Variants in RPH3A observed in about 807,000 individuals in gnomAD.
The protein encoded by RPH3A is rabphilin 3A.
A neutral mutation model predicts 102.2 loss-of-function variants in RPH3A; 48 were observed. The observed-to-expected ratio is 0.47, with a 90% CI of 0.37 to 0.60. The LOEUF is 0.60. Ranked by LOEUF, RPH3A falls within the 20% of genes least tolerant of loss-of-function variation. The pLI is 0.00. For missense variants in RPH3A, 781 were observed against 910.1 expected (o/e 0.86, Z 1.83); for synonymous variants, 310 against 324.3 (o/e 0.96, Z 0.47).
At chr12:112,774,438 G>A (rs2040950257) in intron 1 of RPH3A, among the ~76,000 whole-genome samples, 1 of 152,208 alleles carries the variant, frequency 6.6e-6, no homozygotes, top group Non-Finnish European at 1.5e-5. Context: ...GCACTAGATT[G>A]AGAGTCTGGA....
Position 112,866,759 on chromosome 12 carries a change from C to A in RPH3A, c.363C>A (p.Asn121Lys), listed in dbSNP as rs538011020. The change falls in exon 7 of 22, where the codon AAC becomes AAA. Residue 121 changes from asparagine (N) to lysine (K), a missense_variant and splice_region_variant. By Grantham distance (94) the Asn-to-Lys change is moderately conservative. Around this residue, in one of 2 missense-constraint regions of RPH3A, gnomAD observed 730 missense variants for 810.0 expected, o/e 0.90. Coordinates refer to ENST00000389385, the MANE Select transcript of RPH3A (RefSeq NM_001143854.2). The part of the protein sequence containing the change: ...ACVVCEDCKK[N>K]VCTKCGVETN... Reference sequence around the variant, plus strand: ...TGTTGGCTGTGTTTCATCCACAGAACGTCTGCACCAAGTGCGGAGTGGAGA... The same window carrying A: ...TGTTGGCTGTGTTTCATCCACAGAAAGTCTGCACCAAGTGCGGAGTGGAGA... 6.2e-6 allele frequency: 10 copies of A among 1,608,582 alleles called. No homozygotes were observed. In the East Asian group the frequency reaches 2.0e-4, roughly 32 times the overall value.
At position 112,896,743 on chromosome 12, in the gene RPH3A, A is replaced by G; in HGVS notation, c.2048A>G (p.His683Arg). The G allele has an allele frequency of 6.2e-7, 1 of 1,614,156 alleles. No homozygotes were observed. The highest frequency in any genetic ancestry group is 1.7e-5 in the Admixed American group (1 of 60,032). ...KNKDKKIERW[H>R]QLQNENHVSS... ...AAAGACAAGAAGATAGAGCGCTGGC[A>G]CCAGCTACAGAATGAGAACCACGTG... Residue 683 changes from histidine to arginine, a missense_variant, in exon 22 of 22, where the codon CAC becomes CGC. By Grantham distance (29) the His-to-Arg change is conservative. Transcript: ENST00000389385.
intron 1 of RPH3A, among the ~76,000 whole-genome samples, chr12:112,671,488 G>A (rs768787396): frequency 2.0e-5 from 3 of 152,160 alleles, no homozygotes; most frequent in Non-Finnish European, 4.4e-5. Flanking sequence ...CCCAGAAATT[G>A]CACACATTAC....
Position 112,755,442 on chromosome 12 carries a change from C to G in RPH3A, c.-139-36701C>G, listed in dbSNP as rs545929442. On this transcript the variant is annotated intron_variant, in intron 1 of 21. Coordinates refer to the RPH3A transcript ENST00000543106. ...TCTCTGATGGTGTTATACAGGCACACCCTTAACAGAGCTCATGCTAGGTAG... is the reference window on the plus strand; with the variant it reads ...TCTCTGATGGTGTTATACAGGCACAGCCTTAACAGAGCTCATGCTAGGTAG... Among the ~76,000 whole-genome samples, 3 of 152,266 alleles carry G rather than the reference C, an allele frequency of 2.0e-5. No individual in the cohort carries two copies. In the South Asian group the frequency reaches 6.2e-4, roughly 32 times the overall value.
chr12:112,576,960 C>T (rs2039364826), intron 1 of RPH3A, among the ~76,000 whole-genome samples: 1 of 126,086 alleles, frequency 7.9e-6, no homozygotes, highest in Non-Finnish European at 1.5e-5. Context: ...GGCTGGAGTG[C>T]AGTGGCATGA....
intron 1 of RPH3A, among the ~76,000 whole-genome samples, chr12:112,755,655 G>GA (rs2136063583): frequency 6.6e-6 from 1 of 152,204 alleles, no homozygotes; most frequent in South Asian, 2.1e-4. Context: ...GCCCTTGAAT[G>GA]AAAAGGGAGG....
intron 1 of RPH3A, among the ~76,000 whole-genome samples, chr12:112,599,953 A>C (rs1709683836): frequency 1.3e-5 from 2 of 152,220 alleles, no homozygotes; most frequent in African/African-American, 4.8e-5. Flanking sequence ...TCTGGAGTGC[A>C]TCACGGGATG....
intron 5 of RPH3A, among the ~76,000 whole-genome samples, chr12:112,848,465 CA>C (rs2042268823): frequency 6.6e-6 from 1 of 152,184 alleles, no homozygotes; most frequent in Non-Finnish European, 1.5e-5. Context: ...GCCAGCTCCC[CA>C]CTTGCCTGCT....
chr12:112,675,208 C>T (rs1025614149), intron 1 of RPH3A, among the ~76,000 whole-genome samples: 9 of 152,144 alleles, frequency 5.9e-5, no homozygotes, highest in African/African-American at 2.2e-4. Flanking sequence ...TTGTATTTCT[C>T]TGATGACTTA....
chr12:112,754,515 G>T (rs991446422), intron 1 of RPH3A, among the ~76,000 whole-genome samples: 1 of 152,162 alleles, frequency 6.6e-6, no homozygotes, highest in African/African-American at 2.4e-5. Flanking sequence ...AGTAAGGGTA[G>T]AAATTCGGTT....
chr12:112,678,846 A>G lies in RPH3A; in HGVS notation c.-140+103527A>G, dbSNP rs115583771. Among the ~76,000 whole-genome samples the G allele has an allele frequency of 5.5e-3, 841 of 152,194 alleles. 10 individuals carry two copies. Among genetic ancestry groups the G allele is most frequent in the African/African-American group, 0.02 (813 of 41,522 alleles). The stretch of plus-strand genomic sequence containing the variant: ...GGGGAAGCAGACCAGAAAACTAAGA[A>G]TTGCAATTCTGCGTGACAGATTAGA... On this transcript the variant is annotated intron_variant, in intron 1 of 21. Transcript: ENST00000543106.
At chr12:112,798,338 T>G (rs1053864789) in intron 2 of RPH3A, among the ~76,000 whole-genome samples, 8 of 152,232 alleles carry the variant, frequency 5.3e-5, no homozygotes, top group African/African-American at 1.9e-4. Context: ...GGGGGAAATA[T>G]CTTCTCATCT....
At chr12:112,880,592 G>A (rs1424523340) in intron 14 of RPH3A, among the ~76,000 whole-genome samples, 3 of 152,162 alleles carry the variant, frequency 2.0e-5, no homozygotes, top group Non-Finnish European at 4.4e-5. Context: ...CATTGAACAA[G>A]TGGGGAAACA....
intron 1 of RPH3A, among the ~76,000 whole-genome samples, chr12:112,772,467 C>T (rs2136073138): frequency 6.6e-6 from 1 of 152,272 alleles, no homozygotes; most frequent in East Asian, 1.9e-4. Context: ...CTAAGTGCCC[C>T]CAAGGGGGCT....
intron 1 of RPH3A, among the ~76,000 whole-genome samples, chr12:112,596,890 T>C (rs1404439242): frequency 6.6e-6 from 1 of 152,268 alleles, no homozygotes; most frequent in Non-Finnish European, 1.5e-5. Flanking sequence ...AACTCCTTTT[T>C]GTAATGTTTG....
intron 1 of RPH3A, among the ~76,000 whole-genome samples, chr12:112,692,651 T>C (rs2040315429): frequency 6.6e-6 from 1 of 152,104 alleles, no homozygotes; most frequent in South Asian, 2.1e-4. Context: ...ACCACACTAA[T>C]GTCCACTGAA....
intron 2 of RPH3A, among the ~76,000 whole-genome samples, chr12:112,811,358 T>C (rs1213787110): frequency 6.6e-6 from 1 of 152,208 alleles, no homozygotes; most frequent in African/African-American, 2.4e-5. Context: ...TTTATTCAGT[T>C]CAAAAGCACT....
intron 1 of RPH3A, among the ~76,000 whole-genome samples, chr12:112,676,306 G>A (rs1016566079): frequency 6.6e-6 from 1 of 152,082 alleles, no homozygotes; most frequent in African/African-American, 2.4e-5. Flanking sequence ...CTTTCCCACT[G>A]TCTTGCCTTA....
At chr12:112,852,440 G>T (rs1172007690) in intron 5 of RPH3A, among the ~76,000 whole-genome samples, 3 of 152,118 alleles carry the variant, frequency 2.0e-5, no homozygotes, top group African/African-American at 7.2e-5. Context: ...TTGATATAAG[G>T]GTTCAGAGAT....
Sources: gnomAD v4.1 joint callset for allele counts (sites outside exome capture counted in the v4.1 genomes callset) on GRCh38, gnomAD v4.1.1 for gene constraint, gnomAD v4.1.1 regional missense constraint, MANE v1.5 for transcripts, NCBI Gene and HGNC (gene_info 2026-07-23, HGNC 2026-07-21) for gene names.